Variants in GRTP1 observed in about 807,000 individuals in gnomAD.
The protein encoded by GRTP1 is growth hormone-regulated TBC protein 1.
GRTP1 carries 56 observed loss-of-function variants against 38.1 expected under a neutral mutation model. The observed-to-expected ratio is 1.47, with a 90% CI of 1.19 to 1.84. The LOEUF is 1.84. Among genes scored for constraint, GRTP1 ranks in the 40% most tolerant of loss-of-function variants. The probability of loss-of-function intolerance (pLI) is 0.00; values close to 1 mark genes in which losing one functional copy is unlikely to be tolerated. For synonymous variants in GRTP1, 217 were observed against 189.5 expected, an observed-to-expected ratio of 1.14 and a Z score of -1.19; for missense variants, 506 against 453.9, an observed-to-expected ratio of 1.11 and a Z score of -1.04.
chr13:113,346,201 GACCCGGGAGGACCTC>G (rs1566429557), intron 4 of GRTP1, among the ~76,000 whole-genome samples: 6 of 139,702 alleles, frequency 4.3e-5, no homozygotes, highest in African/African-American at 8.1e-5. Flanking sequence ...GCTGAGAGCA[GACCCGGGAGGACCTC>G]TGTGGCTGAG....
intron 5 of GRTP1, 107 bp from the exon 6 acceptor site, chr13:113,326,198 C>T: frequency 7.2e-7 from 1 of 1,382,720 alleles, no homozygotes; most frequent in Non-Finnish European, 9.8e-7. Context: ...GGGAGGACCC[C>T]TCCCAAGAGG....
At chr13:113,329,030 C>T (rs148874662) in intron 5 of GRTP1, among the ~76,000 whole-genome samples, 55 of 152,372 alleles carry the variant, frequency 3.6e-4, no homozygotes, top group Middle Eastern at 3.4e-3. Flanking sequence ...ATGGTGAATG[C>T]GCCCAGGCGC....
intron 5 of GRTP1, among the ~76,000 whole-genome samples, chr13:113,338,260 A>G (rs2139431532): frequency 6.6e-6 from 1 of 152,240 alleles, no homozygotes; most frequent in Middle Eastern, 3.4e-3. Flanking sequence ...TGGGCTCTAC[A>G]AGAGGCCGCG....
chr13:113,361,701 AG>A (rs1352472416), intron 2 of GRTP1: 1 of 152,214 alleles, frequency 6.6e-6, no homozygotes, highest in Non-Finnish European at 1.5e-5. Flanking sequence ...TCATCTCTAT[AG>A]GAGATGGGGG....
At chr13:113,347,361 T>C (rs866954557) in intron 4 of GRTP1, among the ~76,000 whole-genome samples, 9 of 26,354 alleles carry the variant, frequency 3.4e-4, no homozygotes, top group Non-Finnish European at 3.6e-4. Context: ...CAAGAACAGA[T>C]CCGGGAGGAC....
At chr13:113,347,592 GAA>G (rs1448385277) in intron 4 of GRTP1, among the ~76,000 whole-genome samples, 107 of 22,736 alleles carry the variant, frequency 4.7e-3, no homozygotes, top group African/African-American at 0.017. Context: ...CTGTGGCTGA[GAA>G]CAGACCCGGG....
chr13:113,325,393 G>A, intron 7 of GRTP1: 1 of 1,431,976 alleles, frequency 7.0e-7, no homozygotes, highest in East Asian at 2.5e-5. Flanking sequence ...CACACTTCTG[G>A]CACCACACAC....
chr13:113,352,203 A>G (rs944817796), intron 3 of GRTP1, among the ~76,000 whole-genome samples: 1 of 140,298 alleles, frequency 7.1e-6, no homozygotes, highest in Non-Finnish European at 1.5e-5. Context: ...GTTCATTTAT[A>G]TGTAATATTT....
In GRTP1 at chr13:113,338,715, G is replaced by A. The variant is rs528772446; in HGVS notation, c.562+6148C>T. ...GCAGGGAGCTTTCGTTTTGTGTCAC[G>A]GGCCTGGAGGCCTCGGTGGCTGCAG... On this transcript the variant is annotated intron_variant, in intron 5 of 7. Transcript: ENST00000375431. Among the ~76,000 whole-genome samples the A allele has an allele frequency of 2.7e-3, 409 of 152,242 alleles. 1 individual carries two copies. Among genetic ancestry groups the A allele is most frequent in the African/African-American group, 7.9e-3 (330 of 41,538 alleles).
At chr13:113,347,095 C>T (rs1450712414) in intron 4 of GRTP1, among the ~76,000 whole-genome samples, 1 of 37,276 alleles carries the variant, frequency 2.7e-5, no homozygotes, top group Non-Finnish European at 5.0e-5. Context: ...AGAGCAGACC[C>T]GGGAGGACCT....
chr13:113,324,716 C>G, intron 7 of GRTP1, 139 bp from the exon 8 acceptor site: 2 of 1,429,124 alleles, frequency 1.4e-6, no homozygotes, highest in Non-Finnish European at 1.8e-6. Context: ...CTGGGGTGAC[C>G]CACAGATTGT....
rs1426236126 is a variant in GRTP1, at chr13:113,326,040, C to T, written c.614G>A (p.Gly205Glu). 6.2e-7 allele frequency: 1 copy of T among 1,613,146 alleles called. No homozygotes were observed. ...CGGCAGCTTCGCCCGCACCAGCTCC[C>T]CGAGGACCTCCTGGTCGGTCTTCAG... ...LGLKTDQEVL[G>E]ELVRAKLPAV... Residue 205 changes from glycine to glutamate, a missense_variant, in exon 6 of 8, where the codon GGG (glycine) becomes GAG (glutamate). Physicochemically the swap from Gly to Glu is moderately conservative, Grantham distance 98 (BLOSUM62 -2). Coordinates refer to ENST00000375431, the MANE Select transcript of GRTP1 (RefSeq NM_024719.4).
At position 113,325,561 on chromosome 13, in the gene GRTP1, G is replaced by GC. The variant is rs762189886; in HGVS notation, c.921+99dup. The GC allele has an allele frequency of 7.5e-6, 12 of 1,591,752 alleles. No individual in the cohort carries two copies. In the South Asian group the frequency reaches 1.3e-4, roughly 18 times the overall value. ...CATCCTGTGCCCTATGCCCACTGGT[G>GC]CCCGTCCTGTGCACCCTCCGGGTGG... On this transcript the variant is annotated intron_variant, in intron 7 of 7. Coordinates refer to ENST00000375431, the MANE Select transcript of GRTP1 (RefSeq NM_024719.4).
intron 2 of GRTP1, chr13:113,359,795 C>T (rs946364010): frequency 3.3e-5 from 5 of 152,192 alleles, no homozygotes; most frequent in African/African-American, 9.7e-5. Context: ...CTTCACGGAA[C>T]AAAGAATTCT....
rs1303813302 is a variant in GRTP1, at chr13:113,326,053, G to A, written c.601C>T (p.Gln201Ter). The change falls in exon 6 of 8, where the codon CAG becomes TAG. Residue 201 changes from glutamine to a stop codon, truncating the protein, a stop_gained. Coordinates refer to ENST00000375431, the MANE Select transcript of GRTP1 (RefSeq NM_024719.4). LOFTEE classifies it high-confidence loss of function. ...SPAMLGLKTD[Q>*]EVLGELVRAK... ...CGCACCAGCTCCCCGAGGACCTCCTGGTCGGTCTTCAGGCCCAGCATGGCC... is the reference window on the plus strand; with the variant it reads ...CGCACCAGCTCCCCGAGGACCTCCTAGTCGGTCTTCAGGCCCAGCATGGCC... 5 of 1,612,294 alleles carry A rather than the reference G, an allele frequency of 3.1e-6. No homozygotes were observed. The highest frequency in any genetic ancestry group is 4.2e-6 in the Non-Finnish European group (5 of 1,179,934).
At chr13:113,327,910 A>C (rs2042798747) in intron 5 of GRTP1, among the ~76,000 whole-genome samples, 1 of 152,196 alleles carries the variant, frequency 6.6e-6, no homozygotes, top group African/African-American at 2.4e-5. Context: ...AGACACAGAG[A>C]AGCTTAGAAC....
chr13:113,351,047 G>C, intron 3 of GRTP1, 74 bp from the exon 4 acceptor site: 1 of 1,596,128 alleles, frequency 6.3e-7, no homozygotes, highest in Non-Finnish European at 8.6e-7. Context: ...CTGCCCCGAG[G>C]GTGGCCACCT....
At chr13:113,335,261 A>G (rs928066902) in intron 5 of GRTP1, among the ~76,000 whole-genome samples, 3 of 152,022 alleles carry the variant, frequency 2.0e-5, no homozygotes, top group Admixed American at 6.5e-5. Context: ...TCATGATCAG[A>G]CCTGGGTCAC....
chr13:113,355,491 G>A lies in GRTP1; in HGVS notation c.182-10C>T. The A allele has an allele frequency of 1.9e-6, 3 of 1,603,134 alleles. No individual in the cohort carries two copies. The highest frequency in any genetic ancestry group is 4.5e-5 in the East Asian group (2 of 44,580). ...CGGACATAGCGCTTCACTGAAGGCCGAGAGGACGGACAGCGTGTGAGCTGG... is the reference window on the plus strand; with the variant it reads ...CGGACATAGCGCTTCACTGAAGGCCAAGAGGACGGACAGCGTGTGAGCTGG... On this transcript the variant is annotated splice_polypyrimidine_tract_variant and intron_variant, in intron 2 of 7. Coordinates refer to ENST00000375431, the MANE Select transcript of GRTP1 (RefSeq NM_024719.4).
Sources: allele counts gnomAD v4.1 joint callset (sites outside exome capture counted in the v4.1 genomes callset), GRCh38; gene constraint gnomAD v4.1.1; transcripts MANE v1.5; gene names NCBI Gene and HGNC (gene_info 2026-07-23, HGNC 2026-07-21).